RIN3: variants seen among roughly 807,000 people sequenced by gnomAD.
The protein encoded by RIN3 is Ras and Rab interactor 3.
Under a neutral mutation model 76.3 loss-of-function variants are expected in RIN3, and 54 were observed. The observed-to-expected ratio is 0.71, with a 90% CI of 0.57 to 0.89. RIN3 has a LOEUF of 0.89. RIN3 is among the 40% of genes least tolerant of loss of function. The probability of loss-of-function intolerance (pLI) is 0.00; values close to 1 mark genes in which losing one functional copy is unlikely to be tolerated. For missense variants in RIN3, 1,256 were observed against 1,322.1 expected (o/e 0.95, Z 0.78); for synonymous variants, 576 against 564.0 (o/e 1.02, Z -0.30).
At chr14:92,579,050 C>G (rs1411192456) in intron 3 of RIN3, among the ~76,000 whole-genome samples, 1 of 152,130 alleles carries the variant, frequency 6.6e-6, no homozygotes, top group East Asian at 1.9e-4. Context: ...GCCTCAGCCT[C>G]CCGAGTAGCT....
chr14:92,544,453 T>C (rs1595401891), intron 1 of RIN3, among the ~76,000 whole-genome samples: 2 of 135,850 alleles, frequency 1.5e-5, no homozygotes, highest in Non-Finnish European at 1.6e-5. Context: ...TCCCAAAAAG[T>C]CCCCTGGGGC....
At chr14:92,585,490 C>T (rs540394306) in intron 3 of RIN3, among the ~76,000 whole-genome samples, 1 of 152,212 alleles carries the variant, frequency 6.6e-6, no homozygotes, top group Non-Finnish European at 1.5e-5. Flanking sequence ...GGGTTCACTA[C>T]ATTTGCCCAT....
At chr14:92,615,874 G>A in intron 4 of RIN3, 1 of 192,902 alleles carries the variant, frequency 5.2e-6, no homozygotes, top group Non-Finnish European at 1.1e-5. Flanking sequence ...CTAAGCAGCT[G>A]CTGGGTGGAG....
intron 9 of RIN3, chr14:92,686,470 C>T (rs978262254): frequency 6.6e-6 from 1 of 152,288 alleles, no homozygotes; most frequent in African/African-American, 2.4e-5. Context: ...GCAGTCGGCT[C>T]TCCCTGGCGG....
chr14:92,652,306 A>G lies in RIN3; in HGVS notation c.1257A>G (p.Ser419=). The change falls in exon 6 of 10, where the codon TCA becomes TCG. Residue 419 remains serine, a synonymous_variant. Transcript: ENST00000216487. This position sits in a 1 kb window ranked among gnomAD's most constrained non-coding sequence, Gnocchi z 6.4. ...TCAGCCTGCCTCCCCAAGGGACCTCAGACGGCCCTGAGGACACGCCCCGGG... is the reference window on the plus strand; with the variant it reads ...TCAGCCTGCCTCCCCAAGGGACCTCGGACGGCCCTGAGGACACGCCCCGGG... ...DQLSLPPQGT[S]DGPEDTPRES... 3 of 1,608,610 alleles carry G rather than the reference A, an allele frequency of 1.9e-6. No homozygotes were observed. Among genetic ancestry groups the G allele is most frequent in the Non-Finnish European group, 2.6e-6 (3 of 1,176,434 alleles).
At chr14:92,580,662 C>T (rs1050813862) in intron 3 of RIN3, among the ~76,000 whole-genome samples, 2 of 152,246 alleles carry the variant, frequency 1.3e-5, no homozygotes, top group African/African-American at 4.8e-5. Context: ...GAACAGGGAC[C>T]CCAATGGAAG....
At chr14:92,536,997 G>T (rs1897016622) in intron 1 of RIN3, among the ~76,000 whole-genome samples, 1 of 132,554 alleles carries the variant, frequency 7.5e-6, no homozygotes, top group East Asian at 2.0e-4. Context: ...ATGCTCATAG[G>T]ATTTAAAAAT....
At chr14:92,573,811 A>G (rs1441206413) in intron 2 of RIN3, among the ~76,000 whole-genome samples, 1 of 152,228 alleles carries the variant, frequency 6.6e-6, no homozygotes, top group Non-Finnish European at 1.5e-5. Context: ...TTGAACCTCC[A>G]TAGAGGCAAA....
intron 3 of RIN3, among the ~76,000 whole-genome samples, chr14:92,601,304 G>A (rs1487936140): frequency 1.3e-5 from 2 of 152,184 alleles, no homozygotes; most frequent in African/African-American, 2.4e-5. Flanking sequence ...CCAGCCCCAT[G>A]TGGTAGGTGA....
intron 3 of RIN3, among the ~76,000 whole-genome samples, chr14:92,580,041 A>C (rs546929544): frequency 6.6e-6 from 1 of 152,366 alleles, no homozygotes; most frequent in Admixed American, 6.5e-5. Context: ...TTCCTGCTAT[A>C]AGGAGGTCTT....
intron 4 of RIN3, among the ~76,000 whole-genome samples, chr14:92,622,978 A>G (rs1886237929): frequency 6.6e-6 from 1 of 152,240 alleles, no homozygotes; most frequent in South Asian, 2.1e-4. Context: ...GGGAAGAACT[A>G]GGGAAGGTTT....
intron 1 of RIN3, among the ~76,000 whole-genome samples, chr14:92,533,892 G>A (rs962770236): frequency 6.6e-6 from 1 of 152,120 alleles, no homozygotes; most frequent in Non-Finnish European, 1.5e-5. Context: ...TTAAAATGTG[G>A]CAGTAGCCTC....
intron 2 of RIN3, among the ~76,000 whole-genome samples, chr14:92,558,517 G>A (rs1297339017): frequency 6.6e-6 from 1 of 152,220 alleles, no homozygotes; most frequent in African/African-American, 2.4e-5. Flanking sequence ...ATGAAACCGA[G>A]GCTAAGAGGA....
chr14:92,650,169 G>A (rs917570811), intron 5 of RIN3, among the ~76,000 whole-genome samples: 14 of 152,176 alleles, frequency 9.2e-5, no homozygotes, highest in Admixed American at 2.0e-4. Flanking sequence ...CACCGATGCC[G>A]GGAGAGCAAC....
chr14:92,573,442 T>C (rs546434267), intron 2 of RIN3, among the ~76,000 whole-genome samples: 2 of 152,292 alleles, frequency 1.3e-5, no homozygotes, highest in East Asian at 1.9e-4. Context: ...GATTAAATCA[T>C]TGGCCATGTG....
intron 3 of RIN3, among the ~76,000 whole-genome samples, chr14:92,605,108 A>C (rs2140092899): frequency 6.6e-6 from 1 of 151,604 alleles, no homozygotes; most frequent in Middle Eastern, 3.4e-3. Flanking sequence ...ATGGTGTTTC[A>C]CCATGTTGCC....
chr14:92,605,321 A>G (rs1164671793), intron 3 of RIN3, among the ~76,000 whole-genome samples: 1 of 152,230 alleles, frequency 6.6e-6, no homozygotes, highest in Non-Finnish European at 1.5e-5. Flanking sequence ...AGCCCTTCAA[A>G]TGGGGGTCAG....
chr14:92,596,076 T>C (rs1391147336), intron 3 of RIN3, among the ~76,000 whole-genome samples: 1 of 152,240 alleles, frequency 6.6e-6, no homozygotes, highest in Non-Finnish European at 1.5e-5. Flanking sequence ...TCCTGTTACA[T>C]GTTTTATTGT....
intron 7 of RIN3, among the ~76,000 whole-genome samples, chr14:92,661,754 C>CAA (rs796462501): frequency 0.11 from 14,128 of 132,350 alleles, 823 homozygotes; most frequent in East Asian, 0.22. Context: ...CACACACACA[C>CAA]ACACAAAAAA....
Sources: gnomAD v4.1 joint callset for allele counts (sites outside exome capture counted in the v4.1 genomes callset) on GRCh38, gnomAD v4.1.1 for gene constraint, Gnocchi (gnomAD v3.1) non-coding constraint, MANE v1.5 for transcripts, NCBI Gene and HGNC (gene_info 2026-07-23, HGNC 2026-07-21) for gene names.